The following FRAS1 variants were observed in gnomAD, a reference collection of about 807,000 sequenced individuals.
The protein encoded by FRAS1 is extracellular matrix organizing protein FRAS1.
Under a neutral mutation model 435.2 loss-of-function variants are expected in FRAS1, and 290 were observed. That is an observed-to-expected ratio of 0.67 (90% CI 0.61 to 0.73). The LOEUF (loss-of-function observed/expected upper bound fraction) is 0.73, where lower values mean the gene tolerates loss of function less well. Among genes scored for constraint, FRAS1 ranks in the 30% least tolerant of loss-of-function variants. The pLI is 0.00. For synonymous variants in FRAS1, 1,800 were observed against 1,851.0 expected, an observed-to-expected ratio of 0.97 and a Z score of 0.71; for missense variants, 4,860 against 5,001.5, an observed-to-expected ratio of 0.97 and a Z score of 0.85.
At chr4:78,169,655 G>T (rs1721471812) in intron 2 of FRAS1, among the ~76,000 whole-genome samples, 1 of 152,138 alleles carries the variant, frequency 6.6e-6, no homozygotes, top group Non-Finnish European at 1.5e-5. Flanking sequence ...CAACAGAGGT[G>T]CAAGGAATGT....
Position 78,284,400 on chromosome 4 carries a change from T to C in FRAS1, c.1256-5T>C. 1.2e-6 allele frequency: 2 copies of C among 1,613,842 alleles called. No homozygotes were observed. The highest frequency in any genetic ancestry group is 1.7e-6 in the Non-Finnish European group (2 of 1,179,800). On this transcript the variant is annotated splice_region_variant and splice_polypyrimidine_tract_variant and intron_variant, in intron 12 of 73. Coordinates refer to ENST00000512123, the MANE Select transcript of FRAS1 (RefSeq NM_025074.7). ...AGTTCTCCCCTTCTTTGTCCTTGAT[T>C]TCAGTTCATTGCCATCCAGATTGTT...
In FRAS1 at chr4:78,057,995, G is replaced by T; in HGVS notation, c.-15G>T. ...CTGAAGGCTGGGCTCCTCCATCGTG[G>T]GTGCCGAGGCGGCGATGGGTGTCCT... is the stretch of plus-strand genomic sequence containing the variant. On this transcript the variant is annotated 5_prime_UTR_variant, in exon 1 of 74. Transcript: ENST00000512123. This position sits in a 1 kb window ranked among gnomAD's most constrained non-coding sequence, Gnocchi z 4.2. The T allele has an allele frequency of 6.2e-7, 1 of 1,613,620 alleles. No homozygotes were observed. Among genetic ancestry groups the T allele is most frequent in the Non-Finnish European group, 8.5e-7 (1 of 1,179,600 alleles).
chr4:78,088,367 G>C (rs1300102060), intron 2 of FRAS1, among the ~76,000 whole-genome samples: 1 of 152,082 alleles, frequency 6.6e-6, no homozygotes, highest in African/African-American at 2.4e-5. Flanking sequence ...CATAGGCATG[G>C]GCAAGGACTT....
chr4:78,438,962 C>T lies in FRAS1; in HGVS notation c.5427C>T (p.Val1809=). Reference sequence around the variant, plus strand: ...TTACTGATAGCTTCTATTTCTCTGTCTCTGACATGGACCACAACCATCTGG... The same window carrying T: ...TTACTGATAGCTTCTATTTCTCTGTTTCTGACATGGACCACAACCATCTGG... ...HLVTDSFYFS[V]SDMDHNHLDN... Residue 1809 remains valine, a synonymous_variant, in exon 40 of 74, where the codon GTC becomes GTT. Transcript: ENST00000512123. 6.2e-7 allele frequency: 1 copy of T among 1,613,246 alleles called. No homozygotes were observed. The highest frequency in any genetic ancestry group is 8.5e-7 in the Non-Finnish European group (1 of 1,179,538).
At chr4:78,330,379 G>A (rs935074815) in intron 18 of FRAS1, among the ~76,000 whole-genome samples, 1 of 152,128 alleles carries the variant, frequency 6.6e-6, no homozygotes, top group African/African-American at 2.4e-5. Context: ...ATGTGTGTTT[G>A]AGCAATATGA....
chr4:78,344,586 ATT>A (rs112149675), intron 20 of FRAS1, among the ~76,000 whole-genome samples: 2 of 141,668 alleles, frequency 1.4e-5, no homozygotes, highest in African/African-American at 2.6e-5. Context: ...CTCAAGAATG[ATT>A]TTTTTTTTTT....
intron 2 of FRAS1, chr4:78,068,709 C>A: frequency 2.6e-6 from 1 of 383,054 alleles, no homozygotes; most frequent in Non-Finnish European, 5.1e-6. Flanking sequence ...TAAAAAATTT[C>A]TGTCAAATTA....
rs188380635 is a variant in FRAS1, at chr4:78,194,560, G to A, written c.109-42950G>A. 3.9e-5 allele frequency among the ~76,000 whole-genome samples: 6 copies of A among 152,218 alleles called. No individual in the cohort carries two copies. In the East Asian group the frequency reaches 1.2e-3, roughly 29 times the overall value. Reference sequence around the variant, plus strand: ...CTGATACCCTTTCTTCCAGTTGATCGAATTGGCGACTGAGGCTTGTGCATT... The same window carrying A: ...CTGATACCCTTTCTTCCAGTTGATCAAATTGGCGACTGAGGCTTGTGCATT... On this transcript the variant is annotated intron_variant, in intron 2 of 73. Transcript: ENST00000512123.
At chr4:78,469,916 T>C in intron 50 of FRAS1, 62 bp from the exon 51 acceptor site, 1 of 1,207,706 alleles carries the variant, frequency 8.3e-7, no homozygotes, top group Non-Finnish European at 1.2e-6. Flanking sequence ...GTGTAGGCCC[T>C]GGACCTGACA....
chr4:78,391,574 T>G (rs1330152645), intron 29 of FRAS1, among the ~76,000 whole-genome samples: 1 of 152,190 alleles, frequency 6.6e-6, no homozygotes, highest in African/African-American at 2.4e-5. Flanking sequence ...TTTCATTAAT[T>G]AAGATACCTC....
chr4:78,368,109 C>G (rs1731346853), intron 22 of FRAS1, among the ~76,000 whole-genome samples: 1 of 150,604 alleles, frequency 6.6e-6, no homozygotes, highest in Non-Finnish European at 1.5e-5. Flanking sequence ...AAACACTTTG[C>G]CAAAATTAAG....
intron 31 of FRAS1, 69 bp from the exon 32 acceptor site, chr4:78,412,900 A>G (rs972192014): frequency 2.2e-5 from 19 of 881,492 alleles, no homozygotes; most frequent in Non-Finnish European, 2.9e-5. Flanking sequence ...AAAAGAGGGA[A>G]AAACCCACGT....
intron 18 of FRAS1, among the ~76,000 whole-genome samples, chr4:78,325,168 T>G (rs958194995): frequency 7.2e-5 from 11 of 152,180 alleles, no homozygotes; most frequent in African/African-American, 2.4e-4. Context: ...TCAGGGGAAT[T>G]TCAGCAACTA....
At chr4:78,139,337 G>A (rs1720062049) in intron 2 of FRAS1, among the ~76,000 whole-genome samples, 1 of 152,072 alleles carries the variant, frequency 6.6e-6, no homozygotes, top group South Asian at 2.1e-4. Flanking sequence ...GATTGAGCAG[G>A]GAAAATTTGA....
intron 19 of FRAS1, among the ~76,000 whole-genome samples, chr4:78,335,802 A>G (rs1232143937): frequency 6.6e-6 from 1 of 152,094 alleles, no homozygotes; most frequent in African/African-American, 2.4e-5. Flanking sequence ...TGTTTTAGTG[A>G]CAGAGATTTT....
intron 17 of FRAS1, 44 bp from the exon 18 acceptor site, chr4:78,318,766 A>G: frequency 1.3e-6 from 2 of 1,514,082 alleles, no homozygotes; most frequent in South Asian, 2.7e-5. Flanking sequence ...TGCAACATAT[A>G]TTTGATCCTT....
chr4:78,527,875 G>T (rs922253655), intron 70 of FRAS1, among the ~76,000 whole-genome samples: 1 of 152,146 alleles, frequency 6.6e-6, no homozygotes, highest in African/African-American at 2.4e-5. Flanking sequence ...GAAAGTTGAT[G>T]ATGCAGGGGA....
chr4:78,472,199 A>G lies in FRAS1; in HGVS notation c.7391A>G (p.Lys2464Arg), dbSNP rs370490831. The G allele has an allele frequency of 3.7e-5, 59 of 1,613,856 alleles. No individual in the cohort carries two copies. Among genetic ancestry groups the G allele is most frequent in the South Asian group, 5.5e-5 (5 of 91,074 alleles). ...TTCTAGGCAACCAACCTGATCACCA[A>G]GAAGGAACTGCTGACCATGGACCCA... ...MDGKATNLITKKELLTMDPDT... is the reference protein window; with the variant it reads ...MDGKATNLITRKELLTMDPDT... Residue 2464 changes from lysine (K) to arginine (R), a missense_variant, in exon 52 of 74, where the codon AAG (lysine) becomes AGG (arginine). Physicochemically the swap from Lys to Arg is conservative, Grantham distance 26. Transcript: ENST00000512123.
At chr4:78,386,561 AT>A (rs1266111927) in intron 28 of FRAS1, among the ~76,000 whole-genome samples, 2 of 152,198 alleles carry the variant, frequency 1.3e-5, no homozygotes, top group African/African-American at 4.8e-5. Flanking sequence ...AGCCATTTGG[AT>A]TAAAGAAAGC....
Sources: gnomAD v4.1 joint callset for allele counts (sites outside exome capture counted in the v4.1 genomes callset) on GRCh38, gnomAD v4.1.1 for gene constraint, Gnocchi (gnomAD v3.1) non-coding constraint, MANE v1.5 for transcripts, NCBI Gene and HGNC (gene_info 2026-07-23, HGNC 2026-07-21) for gene names.